Variants in FAT1 observed in about 807,000 individuals in gnomAD.
FAT1 encodes the protein protocadherin Fat 1.
FAT1 carries 171 observed loss-of-function variants against 329.8 expected under a neutral mutation model. The observed-to-expected ratio is 0.52, with a 90% CI of 0.46 to 0.59. The LOEUF (loss-of-function observed/expected upper bound fraction) is 0.59. Ranked by LOEUF, FAT1 falls within the 20% of genes least tolerant of loss-of-function variation. The pLI is 0.00. For synonymous variants in FAT1, 2,233 were observed against 2,228.6 expected (o/e 1.00, Z -0.06); for missense variants, 5,672 against 5,774.4 (o/e 0.98, Z 0.57).
intron 3 of FAT1, among the ~76,000 whole-genome samples, chr4:186,661,769 G>A (rs1169124460): frequency 3.3e-5 from 5 of 152,192 alleles, no homozygotes; most frequent in Non-Finnish European, 1.5e-5. Flanking sequence ...GTCACTTGGA[G>A]CTGGTGGGTC....
At chr4:186,658,196 G>T (rs1741997241) in intron 3 of FAT1, among the ~76,000 whole-genome samples, 1 of 152,218 alleles carries the variant, frequency 6.6e-6, no homozygotes, top group Non-Finnish European at 1.5e-5. Flanking sequence ...AATGGATGCG[G>T]TCTTTCACTT....
rs774504910 is a variant in FAT1 at position 186,709,457 on chromosome 4, T to C, written c.371A>G (p.Glu124Gly). The change falls in exon 2 of 27, where the codon GAA (glutamate) becomes GGA (glycine). Residue 124 changes from glutamate to glycine, a missense_variant. Glu to Gly is a moderately conservative substitution (Grantham distance 98). Transcript: ENST00000441802. The part of the protein sequence containing the change: ...DHYTLIVKAL[E>G]KNTNVEARTK... ...TCGCGCCTCCACATTAGTATTTTTT[T>C]CAAGTGCTTTCACTATCAATGTGTA... 6.2e-7 allele frequency: 1 copy of C among 1,614,010 alleles called. No homozygotes were observed. The highest frequency in any genetic ancestry group is 8.5e-7 in the Non-Finnish European group (1 of 1,179,882).
At chr4:186,697,446 C>G (rs1484913375) in intron 2 of FAT1, among the ~76,000 whole-genome samples, 1 of 152,198 alleles carries the variant, frequency 6.6e-6, no homozygotes, top group African/African-American at 2.4e-5. Flanking sequence ...GCACACTGTT[C>G]ATTATATCTG....
intron 3 of FAT1, among the ~76,000 whole-genome samples, chr4:186,651,333 G>T (rs1039783719): frequency 1.3e-4 from 20 of 152,138 alleles, no homozygotes; most frequent in Admixed American, 2.6e-4. Context: ...GAACAAAGCT[G>T]TGTATGTGAC....
chr4:186,709,186 C>G lies in FAT1; in HGVS notation c.642G>C (p.Glu214Asp), dbSNP rs367926064. Residue 214 changes from glutamate to aspartate, a missense_variant, in exon 2 of 27, where the codon GAG (glutamate) becomes GAC (aspartate). Physicochemically the swap from Glu to Asp is conservative, Grantham distance 45 (BLOSUM62 2). Around this residue, in one of 2 missense-constraint regions of FAT1, gnomAD observed 3,966 missense variants for 3,915.2 expected, o/e 1.01. Coordinates refer to ENST00000441802, the MANE Select transcript of FAT1 (RefSeq NM_005245.4). ...IVLTGRLDYLETKLYEMEILA... is the reference protein window; with the variant it reads ...IVLTGRLDYLDTKLYEMEILA... ...GGATTTCCATCTCATAGAGCTTGGTCTCTAGGTAATCAAGTCTACCAGTTA... is the reference window on the plus strand; with the variant it reads ...GGATTTCCATCTCATAGAGCTTGGTGTCTAGGTAATCAAGTCTACCAGTTA... 2.4e-5 allele frequency: 38 copies of G among 1,613,878 alleles called. No homozygotes were observed. In the African/African-American group the frequency reaches 4.4e-4, roughly 19 times the overall value.
intron 7 of FAT1, among the ~76,000 whole-genome samples, chr4:186,633,434 GTTGGT>G (rs1001754191): frequency 3.3e-5 from 5 of 152,136 alleles, no homozygotes; most frequent in African/African-American, 4.8e-5. Flanking sequence ...ATGGTATAAC[GTTGGT>G]TTGGTTTGGT....
At chr4:186,600,959 G>A (rs574230191) in intron 21 of FAT1, among the ~76,000 whole-genome samples, 115 of 152,274 alleles carry the variant, frequency 7.6e-4, no homozygotes, top group Middle Eastern at 3.4e-3. Flanking sequence ...TGATCCACCC[G>A]CCTCAGCTTC....
chr4:186,647,019 G>A (rs533665981), intron 3 of FAT1, among the ~76,000 whole-genome samples: 1 of 152,294 alleles, frequency 6.6e-6, no homozygotes, highest in South Asian at 2.1e-4. Context: ...CAGTAGTAAT[G>A]TCATAATGTT....
intron 2 of FAT1, among the ~76,000 whole-genome samples, chr4:186,702,408 G>A (rs1236060576): frequency 1.3e-5 from 2 of 152,152 alleles, no homozygotes; most frequent in East Asian, 3.9e-4. Flanking sequence ...AGAGTCAGAA[G>A]GGGAAACACT....
rs932163335 is a variant in FAT1, at chr4:186,716,144, G to A, written c.-18-6299C>T. Among the ~76,000 whole-genome samples, 55 of 151,950 alleles carry A rather than the reference G, an allele frequency of 3.6e-4. 1 individual carries two copies. Among genetic ancestry groups the A allele is most frequent in the Admixed American group, 1.3e-4 (2 of 15,258 alleles). On this transcript the variant is annotated intron_variant, in intron 1 of 26. Coordinates refer to ENST00000441802, the MANE Select transcript of FAT1 (RefSeq NM_005245.4). ...CAATGCACCAATTCTGTTAAACGCC[G>A]CATATTTATTACTGAGCGGTCACAA...
At chr4:186,637,567 A>AACTATCCAT (rs1740890742) in intron 4 of FAT1, among the ~76,000 whole-genome samples, 1 of 152,214 alleles carries the variant, frequency 6.6e-6, no homozygotes, top group South Asian at 2.1e-4. Flanking sequence ...ATTTTAAGTA[A>AACTATCCAT]ACTATCCATA....
intron 3 of FAT1, among the ~76,000 whole-genome samples, chr4:186,657,023 G>C (rs948074768): frequency 1.3e-5 from 2 of 151,976 alleles, no homozygotes; most frequent in African/African-American, 4.8e-5. Context: ...AAGGACACTA[G>C]ACATCAGGCA....
intron 9 of FAT1, among the ~76,000 whole-genome samples, chr4:186,626,629 T>C (rs371446403): frequency 6.8e-5 from 7 of 103,078 alleles, no homozygotes; most frequent in South Asian, 3.6e-4. Context: ...GCACATAAAG[T>C]GAGCTTCACC....
At position 186,588,738 on chromosome 4, in the gene FAT1, C is replaced by T. The variant is rs1213706003; in HGVS notation, c.13621G>A (p.Ala4541Thr). ...ACGTCAGAGCAGGAGGCGGTGGAGG[C>T]GTACACAGACATGGGCATGCTCTCG... ...AVESMPMSVY[A>T]STASCSDVSA... The change falls in exon 27 of 27, where the codon GCC becomes ACC. Residue 4541 changes from alanine (A) to threonine (T), a missense_variant. Around this residue, in one of 2 missense-constraint regions of FAT1, gnomAD observed 1,706 missense variants for 1,859.1 expected, o/e 0.92. Transcript: ENST00000441802. 8 of 1,613,936 alleles carry T rather than the reference C, an allele frequency of 5.0e-6. No individual in the cohort carries two copies. Among genetic ancestry groups the T allele is most frequent in the African/African-American group, 2.7e-5 (2 of 75,020 alleles).
At chr4:186,608,383 TTTTG>T (rs1739243594) in intron 16 of FAT1, among the ~76,000 whole-genome samples, 1 of 152,124 alleles carries the variant, frequency 6.6e-6, no homozygotes, top group Admixed American at 6.6e-5. Flanking sequence ...GTTGTATTTT[TTTTG>T]TTGTTGTATT....
At chr4:186,662,604 T>C (rs1401836057) in intron 3 of FAT1, among the ~76,000 whole-genome samples, 1 of 152,162 alleles carries the variant, frequency 6.6e-6, no homozygotes, top group Admixed American at 6.5e-5. Context: ...ATTAAAAAAC[T>C]AGCCAACTGT....
chr4:186,638,298 A>C (rs1740928499), intron 4 of FAT1, among the ~76,000 whole-genome samples: 1 of 152,168 alleles, frequency 6.6e-6, no homozygotes, highest in Admixed American at 6.5e-5. Context: ...ATATTCACGG[A>C]GAAAAGAGGA....
In FAT1 at chr4:186,621,022, G is replaced by A. The variant is rs2126521401; in HGVS notation, c.5564C>T (p.Pro1855Leu). ...FTVQVHDMGT[P>L]RLFAEYAANV... ...CGCTGCATACTCAGCAAATAAACGT[G>A]GGGTTCCCATGTCATGCACTTGGAC... Residue 1855 changes from proline (P) to leucine (L), a missense_variant, in exon 10 of 27, where the codon CCA becomes CTA. Coordinates refer to ENST00000441802, the MANE Select transcript of FAT1 (RefSeq NM_005245.4). The A allele has an allele frequency of 1.2e-6, 2 of 1,612,584 alleles. No individual in the cohort carries two copies. Among genetic ancestry groups the A allele is most frequent in the East Asian group, 2.2e-5 (1 of 44,890 alleles).
At position 186,666,105 on chromosome 4, in the gene FAT1, A is replaced by C. The variant is rs564961757; in HGVS notation, c.3266-2492T>G. On this transcript the variant is annotated intron_variant, in intron 2 of 26. Coordinates refer to ENST00000441802, the MANE Select transcript of FAT1 (RefSeq NM_005245.4). ...AATGTAAATGATGAGTTAATGGGTAAAGCACACCAACATGGCACATGTATA... is the reference window on the plus strand; with the variant it reads ...AATGTAAATGATGAGTTAATGGGTACAGCACACCAACATGGCACATGTATA... Among the ~76,000 whole-genome samples, 224 of 151,720 alleles carry C rather than the reference A, an allele frequency of 1.5e-3. 1 individual carries two copies. The highest frequency in any genetic ancestry group is 2.3e-3 in the Non-Finnish European group (153 of 67,888).
Sources: gnomAD v4.1 joint callset for allele counts (sites outside exome capture counted in the v4.1 genomes callset) on GRCh38, gnomAD v4.1.1 for gene constraint, gnomAD v4.1.1 regional missense constraint, MANE v1.5 for transcripts, NCBI Gene and HGNC (gene_info 2026-07-23, HGNC 2026-07-21) for gene names.